The following APCDD1L variants were observed in gnomAD, a reference collection of about 807,000 sequenced individuals.
APCDD1L encodes APC down-regulated 1 like.
APCDD1L carries 21 observed loss-of-function variants against 24.2 expected under a neutral mutation model. The ratio of observed to expected loss-of-function variants is 0.87; its 90% CI spans 0.61 to 1.25. The LOEUF is 1.25. Among genes scored for constraint, APCDD1L ranks in the 50% most tolerant of loss-of-function variants. The pLI is 0.00. For synonymous variants in APCDD1L, 321 were observed against 323.6 expected, an observed-to-expected ratio of 0.99 and a Z score of 0.09; for missense variants, 704 against 711.7, an observed-to-expected ratio of 0.99 and a Z score of 0.12.
intron 3 of APCDD1L, among the ~76,000 whole-genome samples, chr20:58,462,660 A>G (rs1454903148): frequency 5.3e-5 from 8 of 152,118 alleles, no homozygotes; most frequent in Non-Finnish European, 1.2e-4. Context: ...CCTGGCCAAC[A>G]CGGTGAAAAC....
rs557779834 is a variant in APCDD1L at position 58,476,344 on chromosome 20, C to T, written c.50-5597G>A. Among the ~76,000 whole-genome samples, 26 of 152,342 alleles carry T rather than the reference C, an allele frequency of 1.7e-4. No homozygotes were observed. The East Asian group carries it at 4.8e-3, about 28-fold the overall frequency. ...TAGCTGGGACTACAGGCGCATGCCA[C>T]CATGCCCTGCTAATTTTTGTATTTT... is the stretch of plus-strand genomic sequence containing the variant. On this transcript the variant is annotated intron_variant, in intron 1 of 3. Transcript: ENST00000371149.
At chr20:58,468,850 G>A (rs767917163) in intron 2 of APCDD1L, among the ~76,000 whole-genome samples, 8 of 152,160 alleles carry the variant, frequency 5.3e-5, no homozygotes, top group African/African-American at 1.9e-4. Context: ...TTACAGGCGT[G>A]ATCCCAGCCC....
At chr20:58,463,456 T>G (rs1989651053) in intron 3 of APCDD1L, among the ~76,000 whole-genome samples, 1 of 151,804 alleles carries the variant, frequency 6.6e-6, no homozygotes. Context: ...TGTGTGGGAG[T>G]AGTCTGCATT....
Position 58,494,863 on chromosome 20 carries a change from C to T in APCDD1L, c.49+19796G>A, listed in dbSNP as rs1990291335. 6.6e-6 allele frequency among the ~76,000 whole-genome samples: 1 copy of T among 152,296 alleles called. No individual in the cohort carries two copies. Among genetic ancestry groups the T allele is most frequent in the South Asian group, 2.1e-4 (1 of 4,824 alleles). ...ACCCCACTTGTACCCACCCTGGGGC[C>T]TGTGCACTTGCCGGTCTGTCTGCCA... is the stretch of plus-strand genomic sequence containing the variant. On this transcript the variant is annotated intron_variant, in intron 1 of 3. Transcript: ENST00000371149. This position sits in a 1 kb window ranked among gnomAD's most constrained non-coding sequence, Gnocchi z 4.8.
intron 1 of APCDD1L, chr20:58,514,023 C>T: frequency 8.2e-7 from 1 of 1,214,044 alleles, no homozygotes; most frequent in African/African-American, 1.6e-5. Flanking sequence ...GGCCTTTGTA[C>T]AGTTTTGTCT....
chr20:58,468,073 C>T (rs1325373391), intron 2 of APCDD1L, among the ~76,000 whole-genome samples: 2 of 152,150 alleles, frequency 1.3e-5, no homozygotes, highest in Non-Finnish European at 2.9e-5. Flanking sequence ...TCTTGTCTCC[C>T]CCTTCTCTAG....
intron 1 of APCDD1L, among the ~76,000 whole-genome samples, chr20:58,475,641 ACG>A (rs1989893414): frequency 6.6e-6 from 1 of 152,178 alleles, no homozygotes; most frequent in Admixed American, 6.5e-5. Flanking sequence ...CACCTGAGGC[ACG>A]CGAAAGGAGA....
chr20:58,488,085 A>G (rs535963652), intron 1 of APCDD1L, among the ~76,000 whole-genome samples: 1 of 152,288 alleles, frequency 6.6e-6, no homozygotes, highest in African/African-American at 2.4e-5. Flanking sequence ...ATGATCTGGA[A>G]ATATTAAATG....
rs1989549276 is a variant in APCDD1L, at chr20:58,459,210, A to T, written c.*1580T>A. On this transcript the variant is annotated 3_prime_UTR_variant, in exon 4 of 4. Coordinates refer to ENST00000371149, the MANE Select transcript of APCDD1L (RefSeq NM_153360.3). ...CTGCTCAGCCGTGGACATATCATCGACACCCACTGCCATCCCCACCAGGAG... is the reference window on the plus strand; with the variant it reads ...CTGCTCAGCCGTGGACATATCATCGTCACCCACTGCCATCCCCACCAGGAG... 6.6e-6 allele frequency: 1 copy of T among 152,230 alleles called. No individual in the cohort carries two copies. Among genetic ancestry groups the T allele is most frequent in the African/African-American group, 2.4e-5 (1 of 41,432 alleles). The allele number at this position is 152,230 out of a possible 1,614,324, so 9.4% of individuals were successfully genotyped here. A position where few individuals can be genotyped will look rare whatever the true frequency, so the allele number is the denominator to read the frequency against.
At chr20:58,465,646 C>A (rs576196576) in intron 3 of APCDD1L, among the ~76,000 whole-genome samples, 72 of 152,184 alleles carry the variant, frequency 4.7e-4, no homozygotes, top group Non-Finnish European at 9.6e-4. Context: ...AAGTTTTTCA[C>A]CTCGAATGCT....
chr20:58,477,812 G>T (rs1034542843), intron 1 of APCDD1L, among the ~76,000 whole-genome samples: 4 of 152,034 alleles, frequency 2.6e-5, no homozygotes, highest in African/African-American at 9.7e-5. Flanking sequence ...TAGAGATGGG[G>T]TCTCACTATG....
chr20:58,511,104 G>C (rs749475281), intron 1 of APCDD1L, among the ~76,000 whole-genome samples: 2 of 152,218 alleles, frequency 1.3e-5, no homozygotes, highest in African/African-American at 2.4e-5. Context: ...TGATGTCACA[G>C]CTATCACCAT....
At chr20:58,475,427 C>A (rs903877174) in intron 1 of APCDD1L, among the ~76,000 whole-genome samples, 3 of 151,960 alleles carry the variant, frequency 2.0e-5, no homozygotes, top group African/African-American at 7.3e-5. Context: ...TTGCATGGCC[C>A]GTTTTTCTGA....
At chr20:58,496,810 G>C (rs550092132) in intron 1 of APCDD1L, among the ~76,000 whole-genome samples, 11 of 152,262 alleles carry the variant, frequency 7.2e-5, no homozygotes, top group African/African-American at 2.6e-4. Context: ...AGTGGAGGAA[G>C]GCCGGGAGAC....
At chr20:58,502,520 T>G (rs889070738) in intron 1 of APCDD1L, among the ~76,000 whole-genome samples, 4 of 152,174 alleles carry the variant, frequency 2.6e-5, no homozygotes, top group African/African-American at 9.7e-5. Context: ...CCCTGGGGTG[T>G]AGAACAGTGC....
chr20:58,507,033 C>T (rs1990538096), intron 1 of APCDD1L, among the ~76,000 whole-genome samples: 1 of 152,144 alleles, frequency 6.6e-6, no homozygotes, highest in South Asian at 2.1e-4. Flanking sequence ...CAAATCTCAT[C>T]TTGAATTGTA....
chr20:58,461,094 G>A lies in APCDD1L; in HGVS notation c.1202C>T (p.Pro401Leu), dbSNP rs760246702. Residue 401 changes from proline to leucine, a missense_variant, in exon 4 of 4, where the codon CCG becomes CTG. Coordinates refer to ENST00000371149, the MANE Select transcript of APCDD1L (RefSeq NM_153360.3). This position sits in a 1 kb window ranked among gnomAD's most constrained non-coding sequence, Gnocchi z 6.0. ...CACATGCGGGAGCCGGATGCCCAGCGGTAGGCAGCCGTTGGTGGCTGTGAC... is the reference window on the plus strand; with the variant it reads ...CACATGCGGGAGCCGGATGCCCAGCAGTAGGCAGCCGTTGGTGGCTGTGAC... Reference protein sequence around the residue: ...RDVTATNGCLPLGIRLPHVEY... With the variant: ...RDVTATNGCLLLGIRLPHVEY... 50 of 1,613,900 alleles carry A rather than the reference G, an allele frequency of 3.1e-5. 1 individual carries two copies. Among genetic ancestry groups the A allele is most frequent in the South Asian group, 2.7e-4 (25 of 91,088 alleles).
chr20:58,498,277 T>C (rs1990362794), intron 1 of APCDD1L, among the ~76,000 whole-genome samples: 1 of 151,870 alleles, frequency 6.6e-6, no homozygotes, highest in South Asian at 2.1e-4. Context: ...TGCTAAAGAG[T>C]GAAATTTGTT....
intron 1 of APCDD1L, among the ~76,000 whole-genome samples, chr20:58,491,723 T>A (rs1990228670): frequency 6.6e-6 from 1 of 152,168 alleles, no homozygotes; most frequent in Non-Finnish European, 1.5e-5. Flanking sequence ...TTTGGGATCT[T>A]GAGAAGATGG....
Sources: allele counts gnomAD v4.1 joint callset (sites outside exome capture counted in the v4.1 genomes callset), GRCh38; gene constraint gnomAD v4.1.1; non-coding constraint Gnocchi (gnomAD v3.1); transcripts MANE v1.5; gene names NCBI Gene and HGNC (gene_info 2026-07-23, HGNC 2026-07-21).